Variants in RALGPS2 observed in about 807,000 individuals in gnomAD.
RALGPS2 encodes the protein Ral GEF with PH domain and SH3 binding motif 2.
Under a neutral mutation model 86.8 loss-of-function variants are expected in RALGPS2, and 43 were observed. The ratio of observed to expected loss-of-function variants is 0.50; its 90% CI spans 0.39 to 0.64. The LOEUF is 0.64. RALGPS2 is among the 30% of genes least tolerant of loss of function. The pLI is 0.00. For missense variants in RALGPS2, 536 were observed against 694.6 expected (o/e 0.77, Z 2.57); for synonymous variants, 243 against 231.3 (o/e 1.05, Z -0.46).
At chr1:178,819,165 GTT>G (rs906916297) in intron 6 of RALGPS2, among the ~76,000 whole-genome samples, 2 of 150,696 alleles carry the variant, frequency 1.3e-5, no homozygotes, top group African/African-American at 4.9e-5. Flanking sequence ...TAATTTCTGT[GTT>G]TTTTTTATAG....
At chr1:178,752,287 G>A (rs536987193) in intron 1 of RALGPS2, among the ~76,000 whole-genome samples, 1 of 151,294 alleles carries the variant, frequency 6.6e-6, no homozygotes, top group East Asian at 1.9e-4. Context: ...GGGACTATAG[G>A]CATGAACCAC....
At chr1:178,796,592 A>C (rs1654201891) in intron 4 of RALGPS2, among the ~76,000 whole-genome samples, 1 of 152,010 alleles carries the variant, frequency 6.6e-6, no homozygotes, top group Non-Finnish European at 1.5e-5. Context: ...ATACTAGTCT[A>C]TATTGGCTTT....
intron 17 of RALGPS2, 134 bp from the exon 18 acceptor site, chr1:178,901,972 T>C: frequency 1.6e-6 from 1 of 634,592 alleles, no homozygotes; most frequent in South Asian, 2.0e-5. Context: ...GGCCCCAGGC[T>C]GGCTGAGACC....
intron 18 of RALGPS2, among the ~76,000 whole-genome samples, chr1:178,902,668 T>C (rs925326126): frequency 2.6e-5 from 4 of 152,154 alleles, no homozygotes; most frequent in African/African-American, 9.6e-5. Flanking sequence ...CCTTTAAATA[T>C]TTATTCTATC....
At chr1:178,742,004 C>T (rs572545548) in intron 1 of RALGPS2, among the ~76,000 whole-genome samples, 12 of 151,908 alleles carry the variant, frequency 7.9e-5, no homozygotes, top group South Asian at 6.2e-4. Flanking sequence ...GGCATGGTGA[C>T]GCACGCCTGT....
chr1:178,833,696 G>C lies in RALGPS2; in HGVS notation c.607+146G>C, dbSNP rs937284362. 4 of 1,330,420 alleles carry C rather than the reference G, an allele frequency of 3.0e-6. No homozygotes were observed. The South Asian group carries it at 7.6e-5, about 25-fold the overall frequency. The allele number at this position is 1,330,420 out of a possible 1,614,324, so 82.4% of individuals were successfully genotyped here. A position where few individuals can be genotyped will look rare whatever the true frequency, so the allele number is the denominator to read the frequency against. On this transcript the variant is annotated intron_variant, in intron 8 of 19. Transcript: ENST00000367635. ...TGGTAAGCTGAAAAAAATGACTAAA[G>C]ATAGTTGTTACCCTGTTACCTGGAA... is the stretch of plus-strand genomic sequence containing the variant.
At chr1:178,870,761 A>C (rs1658707799) in intron 8 of RALGPS2, 1 of 152,198 alleles carries the variant, frequency 6.6e-6, no homozygotes, top group African/African-American at 2.4e-5. Flanking sequence ...CTGTTGATTC[A>C]GTGAATCCAG....
chr1:178,729,663 A>T (rs1189885461), intron 1 of RALGPS2, among the ~76,000 whole-genome samples: 1 of 152,206 alleles, frequency 6.6e-6, no homozygotes, highest in African/African-American at 2.4e-5. Flanking sequence ...TCATTGGAGC[A>T]GTTTGAGTTT....
intron 8 of RALGPS2, chr1:178,853,738 A>G: frequency 6.2e-7 from 1 of 1,605,636 alleles, no homozygotes; most frequent in East Asian, 2.3e-5. Context: ...TATAAATCCC[A>G]CTGACCGAAT....
Position 178,821,692 on chromosome 1 carries a change from T to C in RALGPS2, c.468T>C (p.Thr156=), listed in dbSNP as rs1655515231. The part of the protein sequence containing the change: ...GLQSAPIFRL[T]KTWALLSRKD... ...AGAGTGCCCCAATTTTCAGGTTGAC[T>C]AAAACATGGGCGGTGAGTAATATTC... is the stretch of plus-strand genomic sequence containing the variant. The change falls in exon 7 of 20, where the codon ACT becomes ACC. Residue 156 remains threonine, a synonymous_variant. Coordinates refer to ENST00000367635, the MANE Select transcript of RALGPS2 (RefSeq NM_152663.5). 4.3e-6 allele frequency: 7 copies of C among 1,610,762 alleles called. No homozygotes were observed. The highest frequency in any genetic ancestry group is 5.9e-6 in the Non-Finnish European group (7 of 1,177,040).
chr1:178,895,473 A>C (rs1259804717), intron 16 of RALGPS2, among the ~76,000 whole-genome samples: 1 of 152,070 alleles, frequency 6.6e-6, no homozygotes, highest in Admixed American at 6.6e-5. Context: ...ATAAGGCTTT[A>C]AAATAATGTC....
chr1:178,866,157 TA>T (rs1341159959), intron 8 of RALGPS2, among the ~76,000 whole-genome samples: 1 of 152,166 alleles, frequency 6.6e-6, no homozygotes, highest in Non-Finnish European at 1.5e-5. Context: ...TTCTTACCTT[TA>T]AAAAGCTCAC....
chr1:178,848,702 G>A (rs757845723), intron 8 of RALGPS2, among the ~76,000 whole-genome samples: 3 of 152,090 alleles, frequency 2.0e-5, no homozygotes, highest in Non-Finnish European at 2.9e-5. Context: ...CCCCAGGCTC[G>A]AGTGCAGTGG....
intron 1 of RALGPS2, among the ~76,000 whole-genome samples, chr1:178,762,790 C>T (rs1195032114): frequency 1.3e-5 from 2 of 152,104 alleles, no homozygotes; most frequent in Admixed American, 6.6e-5. Context: ...TTCTTCCATT[C>T]TCTAGGGTAT....
chr1:178,887,795 T>G lies in RALGPS2; in HGVS notation c.1192+1675T>G, dbSNP rs942168700. Among the ~76,000 whole-genome samples, 10 of 152,342 alleles carry G rather than the reference T, an allele frequency of 6.6e-5. No individual in the cohort carries two copies. In the East Asian group the frequency reaches 1.9e-3, roughly 29 times the overall value. On this transcript the variant is annotated intron_variant, in intron 13 of 19. Transcript: ENST00000367635. ...TTAAAAAGAAGGCAAGTTTGTCACC[T>G]GAAATACCTCTTATCAATGTTCTAA...
rs367751977 is a variant in RALGPS2, at chr1:178,853,564, A to G, written c.607+20014A>G. On this transcript the variant is annotated intron_variant, in intron 8 of 19. Coordinates refer to ENST00000367635, the MANE Select transcript of RALGPS2 (RefSeq NM_152663.5). ...ATTATTGCAAGAATGGATTTGTTTTACTTCCCTTAGGTCTGCATCACTGAT... is the reference window on the plus strand; with the variant it reads ...ATTATTGCAAGAATGGATTTGTTTTGCTTCCCTTAGGTCTGCATCACTGAT... 3 of 1,487,590 alleles carry G rather than the reference A, an allele frequency of 2.0e-6. No individual in the cohort carries two copies. The African/African-American group carries it at 4.3e-5, about 22-fold the overall frequency. 92.1% of individuals were successfully genotyped at this position (1,487,590 alleles called of 1,614,324 possible). A position where few individuals can be genotyped will look rare whatever the true frequency, so the allele number is the denominator to read the frequency against.
chr1:178,755,808 A>G (rs1333527591), intron 1 of RALGPS2, among the ~76,000 whole-genome samples: 1 of 152,216 alleles, frequency 6.6e-6, no homozygotes, highest in African/African-American at 2.4e-5. Flanking sequence ...CCCCACCAAC[A>G]GTGTGTAAGC....
At chr1:178,753,484 A>G (rs1285202177) in intron 1 of RALGPS2, among the ~76,000 whole-genome samples, 6 of 152,194 alleles carry the variant, frequency 3.9e-5, no homozygotes, top group African/African-American at 1.4e-4. Flanking sequence ...GCAAAAATTT[A>G]TGGATATATG....
chr1:178,809,957 A>G (rs1188630027), intron 5 of RALGPS2, among the ~76,000 whole-genome samples: 1 of 152,060 alleles, frequency 6.6e-6, no homozygotes, highest in Non-Finnish European at 1.5e-5. Context: ...TCACCACAGC[A>G]TTTGTCTAAG....
Sources: allele counts gnomAD v4.1 joint callset (sites outside exome capture counted in the v4.1 genomes callset), GRCh38; gene constraint gnomAD v4.1.1; transcripts MANE v1.5; gene names NCBI Gene and HGNC (gene_info 2026-07-23, HGNC 2026-07-21).